Variants in HYCC1 observed in about 807,000 individuals in gnomAD.
HYCC1 encodes hyccin PI4KA lipid kinase complex subunit 1, also known as hyccin.
chr7:22,922,158 A>ATAATAAAGTTAATCTAACTTTATGAT, the HYCC1 span, among the ~76,000 whole-genome samples: 1 of 96,572 alleles, frequency 1.0e-5, no homozygotes, highest in Admixed American at 1.0e-4. Context: ...AACTTTATGA[A>ATAATAAAGTTAATCTAACTTTATGAT]TAATAAAGTT....
chr7:22,925,781 T>A, the HYCC1 span, among the ~76,000 whole-genome samples: 36,909 of 151,858 alleles, frequency 0.24, 4,595 homozygotes, highest in East Asian at 0.44. Context: ...CAGGAGAACT[T>A]CCCCAATCTA....
chr7:22,930,347 T>TAA, the HYCC1 span, among the ~76,000 whole-genome samples: 1 of 114,986 alleles, frequency 8.7e-6, no homozygotes, highest in African/African-American at 3.4e-5. Context: ...GTATAATAAT[T>TAA]AAAAAAAAAA....
the HYCC1 span, among the ~76,000 whole-genome samples, chr7:22,955,181 T>G: frequency 3.3e-5 from 5 of 151,634 alleles, no homozygotes; most frequent in Admixed American, 1.3e-4. Context: ...TAAACAAGTT[T>G]AACTCAAATT....
the HYCC1 span, among the ~76,000 whole-genome samples, chr7:22,999,732 T>C: frequency 6.6e-6 from 1 of 152,136 alleles, no homozygotes; most frequent in Non-Finnish European, 1.5e-5. Flanking sequence ...AAGCCCTTGA[T>C]TGCCTGCTGA....
At chr7:22,945,489 T>G in the HYCC1 span, 1 of 867,716 alleles carries the variant, frequency 1.2e-6, no homozygotes, top group South Asian at 1.3e-5. Flanking sequence ...ACATCAGGGC[T>G]CCTGTCAGGA....
the HYCC1 span, among the ~76,000 whole-genome samples, chr7:22,961,694 CCA>C: frequency 0.033 from 5,094 of 152,140 alleles, 121 homozygotes; most frequent in Non-Finnish European, 0.05. Flanking sequence ...TCTGTAACTC[CCA>C]CAGTTTTTAA....
the HYCC1 span, among the ~76,000 whole-genome samples, chr7:22,915,568 C>T: frequency 2.3e-4 from 35 of 152,246 alleles, no homozygotes; most frequent in Non-Finnish European, 3.7e-4. Context: ...CTTCCCAGAT[C>T]TCGGCTTAGC....
the HYCC1 span, chr7:22,961,128 A>C: frequency 2.8e-6 from 2 of 726,500 alleles, no homozygotes; most frequent in South Asian, 3.1e-5. Flanking sequence ...GCATGAATAC[A>C]CTGAGTATTA....
the HYCC1 span, among the ~76,000 whole-genome samples, chr7:22,925,186 C>A: frequency 6.6e-6 from 1 of 152,146 alleles, no homozygotes; most frequent in Non-Finnish European, 1.5e-5. Context: ...ATCTGTACGT[C>A]ACCATCATCA....
At chr7:22,976,756 C>A in the HYCC1 span, 2 of 1,613,784 alleles carry the variant, frequency 1.2e-6, no homozygotes, top group Non-Finnish European at 1.7e-6. Context: ...TTTTGACAAA[C>A]CATGCTGGGA....
At chr7:22,925,853 G>C in the HYCC1 span, among the ~76,000 whole-genome samples, 1 of 152,146 alleles carries the variant, frequency 6.6e-6, no homozygotes, top group Admixed American at 6.5e-5. Flanking sequence ...TACTCCTCGA[G>C]AAGAACAACT....
the HYCC1 span, among the ~76,000 whole-genome samples, chr7:22,919,907 T>C: frequency 8.9e-4 from 135 of 152,246 alleles, no homozygotes; most frequent in African/African-American, 3.0e-3. Flanking sequence ...AATGATAGCA[T>C]AAAATGTTTA....
the HYCC1 span, chr7:22,942,436 C>T: frequency 6.6e-6 from 1 of 152,120 alleles, no homozygotes; most frequent in Non-Finnish European, 1.5e-5. Flanking sequence ...AAGACATTTG[C>T]CCTGGGTAGT....
chr7:22,953,089 A>C, the HYCC1 span, among the ~76,000 whole-genome samples: 1 of 152,010 alleles, frequency 6.6e-6, no homozygotes, highest in Admixed American at 6.6e-5. Context: ...AGGTGGATTC[A>C]ATTACTCTCA....
At chr7:22,979,328 C>A in the HYCC1 span, among the ~76,000 whole-genome samples, 1 of 152,082 alleles carries the variant, frequency 6.6e-6, no homozygotes, top group Non-Finnish European at 1.5e-5. Flanking sequence ...CTAGTCTTTC[C>A]TATTGAAAAA....
the HYCC1 span, chr7:22,942,934 C>T: frequency 6.6e-6 from 1 of 152,080 alleles, no homozygotes; most frequent in African/African-American, 2.4e-5. Context: ...TAACGTAACT[C>T]CGCTCTCCAG....
At chr7:22,992,802 G>C in the HYCC1 span, among the ~76,000 whole-genome samples, 2 of 152,198 alleles carry the variant, frequency 1.3e-5, no homozygotes, top group African/African-American at 4.8e-5. Flanking sequence ...AAGTTACATA[G>C]AAATGGGGAG....
At chr7:22,918,262 G>C in the HYCC1 span, among the ~76,000 whole-genome samples, 1 of 151,954 alleles carries the variant, frequency 6.6e-6, no homozygotes, top group Non-Finnish European at 1.5e-5. Flanking sequence ...TTGGACCTTG[G>C]GTCTTCCATT....
At chr7:22,965,489 T>C in the HYCC1 span, among the ~76,000 whole-genome samples, 1 of 150,950 alleles carries the variant, frequency 6.6e-6, no homozygotes, top group African/African-American at 2.4e-5. Flanking sequence ...TAAATAAATA[T>C]TTATTTCTTG....
Sources: allele counts gnomAD v4.1 joint callset (sites outside exome capture counted in the v4.1 genomes callset), GRCh38; gene constraint gnomAD v4.1.1; transcripts MANE v1.5; gene names NCBI Gene and HGNC (gene_info 2026-07-23, HGNC 2026-07-21).